The following SMYD3 variants were observed in gnomAD, a reference collection of about 807,000 sequenced individuals.
The protein encoded by SMYD3 is SET and MYND domain containing 3.
Under a neutral mutation model 57.7 loss-of-function variants are expected in SMYD3, and 36 were observed. The observed-to-expected ratio is 0.62, with a 90% CI of 0.48 to 0.82. The LOEUF is 0.82. SMYD3 is among the 40% of genes least tolerant of loss of function. The pLI is 0.00. For missense variants in SMYD3, 515 were observed against 538.8 expected (o/e 0.96, Z 0.44); for synonymous variants, 211 against 195.0 (o/e 1.08, Z -0.68).
intron 10 of SMYD3, among the ~76,000 whole-genome samples, chr1:245,764,361 G>GA (rs1204652248): frequency 7.1e-5 from 10 of 140,964 alleles, no homozygotes; most frequent in East Asian, 2.2e-4. Flanking sequence ...TTGTGTTAGG[G>GA]AAAAAAAATG....
At chr1:245,982,034 C>G (rs1433206648) in intron 5 of SMYD3, among the ~76,000 whole-genome samples, 1 of 152,214 alleles carries the variant, frequency 6.6e-6, no homozygotes, top group Non-Finnish European at 1.5e-5. Flanking sequence ...GGAACTGTAG[C>G]TCTTTACATA....
intron 10 of SMYD3, among the ~76,000 whole-genome samples, chr1:245,806,990 G>T (rs1341358868): frequency 6.9e-6 from 1 of 144,016 alleles, no homozygotes; most frequent in African/African-American, 2.6e-5. Context: ...AGTTAGAAAT[G>T]AACAGAGAAA....
At chr1:246,032,968 A>G (rs1196563254) in intron 5 of SMYD3, among the ~76,000 whole-genome samples, 1 of 152,208 alleles carries the variant, frequency 6.6e-6, no homozygotes, top group African/African-American at 2.4e-5. Flanking sequence ...ATAATCATGA[A>G]TGCTTTAGGG....
At chr1:245,801,154 T>C (rs2047841061) in intron 10 of SMYD3, among the ~76,000 whole-genome samples, 1 of 152,236 alleles carries the variant, frequency 6.6e-6, no homozygotes, top group Non-Finnish European at 1.5e-5. Context: ...TAAAGAAGTT[T>C]ATTTTTGTCT....
At chr1:246,312,954 A>G (rs2065103339) in intron 5 of SMYD3, among the ~76,000 whole-genome samples, 1 of 151,928 alleles carries the variant, frequency 6.6e-6, no homozygotes, top group African/African-American at 2.4e-5. Context: ...TCGCTCTATT[A>G]CCCAGGCTGC....
chr1:246,395,604 G>GGAACCCACCACAGTCAGACAGGGAAGAC (rs2066647808), intron 1 of SMYD3, among the ~76,000 whole-genome samples: 4 of 92,968 alleles, frequency 4.3e-5, no homozygotes, highest in African/African-American at 1.9e-4. Context: ...ACAGGGAAGA[G>GGAACCCACCACAGTCAGACAGGGAAGAC]GAACCCACCA....
chr1:245,753,232 G>T (rs2045467097), intron 11 of SMYD3, among the ~76,000 whole-genome samples: 2 of 141,428 alleles, frequency 1.4e-5, no homozygotes, highest in Admixed American at 7.4e-5. Flanking sequence ...TAGGGGCAGA[G>T]AACTAATCTG....
intron 10 of SMYD3, among the ~76,000 whole-genome samples, chr1:245,805,575 G>T (rs1280095778): frequency 3.9e-5 from 6 of 152,092 alleles, no homozygotes; most frequent in Admixed American, 6.5e-5. Context: ...CCTGTTTTGG[G>T]GAAATAAAAG....
chr1:246,121,471 T>C (rs939063979), intron 5 of SMYD3, among the ~76,000 whole-genome samples: 3 of 151,854 alleles, frequency 2.0e-5, no homozygotes, highest in Non-Finnish European at 2.9e-5. Flanking sequence ...TAATTATTGT[T>C]CATTATAACT....
intron 1 of SMYD3, among the ~76,000 whole-genome samples, chr1:246,472,616 C>T (rs563838317): frequency 2.0e-5 from 3 of 151,910 alleles, no homozygotes; most frequent in East Asian, 2.0e-4. Flanking sequence ...TGCTGGCATG[C>T]GCCTGTAGTC....
intron 5 of SMYD3, among the ~76,000 whole-genome samples, chr1:246,134,107 C>T (rs1003895483): frequency 4.6e-5 from 7 of 152,074 alleles, no homozygotes; most frequent in South Asian, 2.1e-4. Flanking sequence ...TATATCACAT[C>T]GCCTACACCT....
chr1:245,870,781 C>T (rs1415834354), intron 8 of SMYD3, among the ~76,000 whole-genome samples: 1 of 152,188 alleles, frequency 6.6e-6, no homozygotes, highest in Non-Finnish European at 1.5e-5. Context: ...TGGAGTCCAG[C>T]CAGGCTAGCT....
intron 2 of SMYD3, among the ~76,000 whole-genome samples, chr1:246,346,651 A>C (rs1224160455): frequency 6.6e-6 from 1 of 152,198 alleles, no homozygotes; most frequent in Non-Finnish European, 1.5e-5. Context: ...CTAACTCACT[A>C]TCAAGAGAAC....
At chr1:246,292,023 A>G (rs1223419570) in intron 5 of SMYD3, among the ~76,000 whole-genome samples, 1 of 151,652 alleles carries the variant, frequency 6.6e-6, no homozygotes. Flanking sequence ...ACACACCAGT[A>G]CCTTAGACTT....
At chr1:245,800,198 G>T (rs1393018302) in intron 10 of SMYD3, among the ~76,000 whole-genome samples, 1 of 152,060 alleles carries the variant, frequency 6.6e-6, no homozygotes, top group Non-Finnish European at 1.5e-5. Context: ...CTTCTCTGAG[G>T]CTGGCCAGCC....
intron 1 of SMYD3, among the ~76,000 whole-genome samples, chr1:246,495,177 A>G (rs532166355): frequency 0.024 from 3,659 of 151,832 alleles, 64 homozygotes; most frequent in Non-Finnish European, 0.039. Context: ...GTGAAACCCC[A>G]TCTCTACTAA....
At chr1:246,308,988 A>G (rs1451481197) in intron 5 of SMYD3, among the ~76,000 whole-genome samples, 1 of 152,132 alleles carries the variant, frequency 6.6e-6, no homozygotes, top group Non-Finnish European at 1.5e-5. Flanking sequence ...CTAAAAAATG[A>G]AAATTACTTA....
chr1:246,131,969 A>G (rs1277847744), intron 5 of SMYD3, among the ~76,000 whole-genome samples: 2 of 152,172 alleles, frequency 1.3e-5, no homozygotes, highest in Non-Finnish European at 2.9e-5. Flanking sequence ...CAGGGGAATG[A>G]TATCAGTTAT....
Position 245,895,382 on chromosome 1 carries a change from T to G in SMYD3, c.813+20148A>C, listed in dbSNP as rs528891609. 2.6e-5 allele frequency among the ~76,000 whole-genome samples: 4 copies of G among 152,320 alleles called. 1 individual carries two copies. The South Asian group carries it at 8.3e-4, about 32-fold the overall frequency. ...CATAGTTTGGTTATGATGAAAACTT[T>G]AGAAACGGGAAACATTCTGCTTAGA... On this transcript the variant is annotated intron_variant, in intron 8 of 11. Coordinates refer to ENST00000490107, the MANE Select transcript of SMYD3 (RefSeq NM_001167740.2).
Sources: allele counts gnomAD v4.1 joint callset (sites outside exome capture counted in the v4.1 genomes callset), GRCh38; gene constraint gnomAD v4.1.1; transcripts MANE v1.5; gene names NCBI Gene and HGNC (gene_info 2026-07-23, HGNC 2026-07-21).